VIPAS39: variants seen among roughly 807,000 people sequenced by gnomAD.
The protein encoded by VIPAS39 is VPS33B interacting protein, apical-basolateral polarity regulator, spe-39 homolog, also known as spermatogenesis-defective protein 39 homolog.
A neutral mutation model predicts 84.7 loss-of-function variants in VIPAS39; 63 were observed. The observed-to-expected ratio is 0.74, with a 90% CI of 0.61 to 0.92. The LOEUF is 0.92. Ranked by LOEUF, VIPAS39 falls within the 40% of genes least tolerant of loss-of-function variation. The pLI, the probability that VIPAS39 is intolerant of heterozygous loss-of-function variation, is 0.00. For missense variants in VIPAS39, 499 were observed against 604.5 expected, an observed-to-expected ratio of 0.83 and a Z score of 1.83; for synonymous variants, 192 against 216.5, an observed-to-expected ratio of 0.89 and a Z score of 0.99.
At chr14:77,431,823 A>G (rs924172703) in intron 16 of VIPAS39, among the ~76,000 whole-genome samples, 1 of 152,246 alleles carries the variant, frequency 6.6e-6, no homozygotes, top group Non-Finnish European at 1.5e-5. Context: ...GATGTTAACT[A>G]TTCATGAAAT....
Position 77,434,426 on chromosome 14 carries a change from A to T in VIPAS39, c.1048-123T>A. The T allele has an allele frequency of 4.3e-6, 4 of 933,722 alleles. No individual in the cohort carries two copies. The Admixed American group carries it at 5.9e-5, about 14-fold the overall frequency. The allele number at this position is 933,722 out of a possible 1,614,324, so 57.8% of individuals were successfully genotyped here. Reference sequence around the variant, plus strand: ...TTACTCTGCTGCCATTTAAACATAGAAATTAATTTCAGGGAAAAGCTCCAT... The same window carrying T: ...TTACTCTGCTGCCATTTAAACATAGTAATTAATTTCAGGGAAAAGCTCCAT... On this transcript the variant is annotated intron_variant, in intron 14 of 19. Coordinates refer to ENST00000557658, the MANE Select transcript of VIPAS39 (RefSeq NM_001193315.2).
In VIPAS39 at chr14:77,438,135, T is replaced by G. The variant is rs2078643562; in HGVS notation, c.763-254A>C. Among the ~76,000 whole-genome samples, 3 of 152,168 alleles carry G rather than the reference T, an allele frequency of 2.0e-5. No homozygotes were observed. The South Asian group carries it at 6.2e-4, about 31-fold the overall frequency. Reference sequence around the variant, plus strand: ...AATTTAAATTAATTAATGTAAAAATTCACCTCCTTAGTTAACACTAACCAC... The same window carrying G: ...AATTTAAATTAATTAATGTAAAAATGCACCTCCTTAGTTAACACTAACCAC... On this transcript the variant is annotated intron_variant, in intron 11 of 19. Coordinates refer to ENST00000557658, the MANE Select transcript of VIPAS39 (RefSeq NM_001193315.2).
rs112217896 is a variant in VIPAS39, at chr14:77,454,025, G to A, written c.78C>T (p.Asp26=). ...GTTGACCTACCTGTGAAAGCTCATC[G>A]TCTTCATCGTCAAAGGTAAAAGCCT... The part of the protein sequence containing the change: ...KFKAFTFDDE[D]DELSQLKESK... The change falls in exon 2 of 20, where the codon GAC becomes GAT. Residue 26 remains aspartate, a synonymous_variant. Transcript: ENST00000557658. The A allele has an allele frequency of 1.6e-4, 253 of 1,614,126 alleles. No individual in the cohort carries two copies. The highest frequency in any genetic ancestry group is 1.9e-4 in the Non-Finnish European group (230 of 1,179,996).
intron 17 of VIPAS39, 60 bp downstream of exon 17, chr14:77,429,621 G>A: frequency 1.3e-6 from 2 of 1,547,980 alleles, no homozygotes; most frequent in Non-Finnish European, 1.8e-6. Flanking sequence ...TGACCAGTAA[G>A]AGGCTTAAAG....
intron 19 of VIPAS39, 21 bp downstream of exon 19, chr14:77,428,349 G>T: frequency 6.3e-7 from 1 of 1,594,970 alleles, no homozygotes; most frequent in South Asian, 1.1e-5. Flanking sequence ...CCTGCTGGAG[G>T]GGTGAACTGT....
In VIPAS39 at chr14:77,428,979, G is replaced by C; in HGVS notation, c.1356+27C>G. ...CTGCTTCGCCACTGAGGATCTAACGGAGGACTCCCATTTCTTGGGGACTCA... is the reference window on the plus strand; with the variant it reads ...CTGCTTCGCCACTGAGGATCTAACGCAGGACTCCCATTTCTTGGGGACTCA... On this transcript the variant is annotated intron_variant, in intron 18 of 19. Coordinates refer to ENST00000557658, the MANE Select transcript of VIPAS39 (RefSeq NM_001193315.2). 3 of 1,600,150 alleles carry C rather than the reference G, an allele frequency of 1.9e-6. 1 individual carries two copies. In the South Asian group the frequency reaches 3.3e-5, roughly 18 times the overall value.
chr14:77,451,217 A>G lies in VIPAS39; in HGVS notation c.313T>C (p.Ser105Pro). The change falls in exon 4 of 20, where the codon TCT (serine) becomes CCT (proline). Residue 105 changes from serine (S) to proline (P), a missense_variant. Transcript: ENST00000557658. ...SSYAQLPKPT[S>P]TYSLSSFFRG... Reference sequence around the variant, plus strand: ...AAAAAGCTGCTCAGGGAGTAGGTAGAAGTAGGCTTGGGTAGTTGTGCATAG... The same window carrying G: ...AAAAAGCTGCTCAGGGAGTAGGTAGGAGTAGGCTTGGGTAGTTGTGCATAG... 2 of 1,614,244 alleles carry G rather than the reference A, an allele frequency of 1.2e-6. No homozygotes were observed. The highest frequency in any genetic ancestry group is 1.7e-6 in the Non-Finnish European group (2 of 1,180,040).
chr14:77,442,447 T>C (rs963884586), intron 10 of VIPAS39, 113 bp downstream of exon 10: 36 of 898,500 alleles, frequency 4.0e-5, no homozygotes, highest in Non-Finnish European at 6.2e-5. Flanking sequence ...ATAGCTTGTC[T>C]TCCAAGCACT....
At chr14:77,439,986 G>A (rs903139536) in intron 11 of VIPAS39, among the ~76,000 whole-genome samples, 3 of 152,096 alleles carry the variant, frequency 2.0e-5, no homozygotes, top group East Asian at 1.9e-4. Context: ...AGACTTAAGC[G>A]ATTCTCCTAC....
chr14:77,444,751 T>G (rs1051988240), intron 7 of VIPAS39, among the ~76,000 whole-genome samples: 4 of 151,642 alleles, frequency 2.6e-5, no homozygotes, highest in Admixed American at 2.6e-4. Context: ...TTTTTTTTAG[T>G]AATTTAATTT....
chr14:77,429,647 T>C (rs775920207), intron 17 of VIPAS39, 34 bp downstream of exon 17: 2 of 1,605,460 alleles, frequency 1.2e-6, no homozygotes, highest in Non-Finnish European at 1.7e-6. Context: ...TCTCCAAGAA[T>C]ATCCTGTACC....
chr14:77,450,117 A>G (rs1209496147), intron 4 of VIPAS39, among the ~76,000 whole-genome samples: 1 of 152,156 alleles, frequency 6.6e-6, no homozygotes, highest in Non-Finnish European at 1.5e-5. Flanking sequence ...ACACCCTTTA[A>G]ACAATAACTC....
At chr14:77,454,421 T>C (rs555178373) in intron 1 of VIPAS39, among the ~76,000 whole-genome samples, 122 of 152,280 alleles carry the variant, frequency 8.0e-4, no homozygotes, top group Admixed American at 1.4e-3. Context: ...AGGCCTTTAA[T>C]CCCAGCACTT....
chr14:77,435,861 G>T lies in VIPAS39; in HGVS notation c.895C>A (p.Arg299Ser). ...AGTCTAACCTCAATAATGATCTGAC[G>T]TTCCAGGAGCGTGTAATGGTCCTGT... The part of the protein sequence containing the change: ...HIQDHYTLLE[R>S]QIIIEANDRH... The change falls in exon 13 of 20, where the codon CGT becomes AGT. Residue 299 changes from arginine to serine, a missense_variant. Arg to Ser is a moderately radical substitution (Grantham distance 110). Transcript: ENST00000557658. The T allele has an allele frequency of 3.7e-6, 6 of 1,614,152 alleles. No individual in the cohort carries two copies. The highest frequency in any genetic ancestry group is 1.1e-5 in the South Asian group (1 of 91,084).
intron 12 of VIPAS39, among the ~76,000 whole-genome samples, chr14:77,436,976 A>G (rs758289506): frequency 1.8e-4 from 27 of 152,222 alleles, no homozygotes; most frequent in Non-Finnish European, 3.2e-4. Context: ...AGAGATAAAG[A>G]GAGATGCTAT....
intron 12 of VIPAS39, among the ~76,000 whole-genome samples, chr14:77,436,285 C>G (rs2078609871): frequency 6.6e-6 from 1 of 152,212 alleles, no homozygotes; most frequent in Non-Finnish European, 1.5e-5. Flanking sequence ...AATTCTGTGG[C>G]TTGTGCTTAA....
At chr14:77,441,267 A>C (rs2078699450) in intron 10 of VIPAS39, 174 bp from the exon 11 acceptor site, 2 of 697,076 alleles carry the variant, frequency 2.9e-6, no homozygotes, top group Non-Finnish European at 4.9e-6. Flanking sequence ...TGGCTGAACA[A>C]AAAGCAAGGA....
rs751706662 is a variant in VIPAS39, at chr14:77,435,324, T to G, written c.982A>C (p.Ile328Leu). 4.3e-6 allele frequency: 7 copies of G among 1,612,112 alleles called. No homozygotes were observed. Among genetic ancestry groups the G allele is most frequent in the Non-Finnish European group, 5.9e-6 (7 of 1,179,788 alleles). Residue 328 changes from isoleucine to leucine, a missense_variant, in exon 14 of 20, where the codon ATC becomes CTC. Ile to Leu is a conservative substitution (Grantham distance 5). Transcript: ENST00000557658. ...GTTGTCACTAGTGGCATGTTGAGGATGGAGGCTTTGCGGGGGTGCTTTCGG... is the reference window on the plus strand; with the variant it reads ...GTTGTCACTAGTGGCATGTTGAGGAGGGAGGCTTTGCGGGGGTGCTTTCGG... Reference protein sequence around the residue: ...IFRKHPRKASILNMPLVTTLF... With the variant: ...IFRKHPRKASLLNMPLVTTLF...
chr14:77,429,044 A>G lies in VIPAS39; in HGVS notation c.1318T>C (p.Leu440=), dbSNP rs371042846. 6.8e-6 allele frequency: 11 copies of G among 1,614,106 alleles called. No homozygotes were observed. Among genetic ancestry groups the G allele is most frequent in the Non-Finnish European group, 7.6e-6 (9 of 1,179,964 alleles). Residue 440 remains leucine, a synonymous_variant, in exon 18 of 20, where the codon TTA becomes CTA. Coordinates refer to ENST00000557658, the MANE Select transcript of VIPAS39 (RefSeq NM_001193315.2). ...TCATGGCACTTGAACTTAGTGGCTA[A>G]GTTCAACTTCGTGTCCACATCTTCC... ...LVEDVDTKLN[L]ATKFKCHDVV... is the part of the protein sequence containing the mutation.
Sources: gnomAD v4.1 joint callset for allele counts (sites outside exome capture counted in the v4.1 genomes callset) on GRCh38, gnomAD v4.1.1 for gene constraint, MANE v1.5 for transcripts, NCBI Gene and HGNC (gene_info 2026-07-23, HGNC 2026-07-21) for gene names.